The following SIN3A variants were observed in gnomAD, a reference collection of about 807,000 sequenced individuals.
SIN3A encodes SIN3 transcription regulator family member A.
A neutral mutation model predicts 146.1 loss-of-function variants in SIN3A; 14 were observed. The ratio of observed to expected loss-of-function variants is 0.10; its 90% confidence interval spans 0.06 to 0.15. The LOEUF (loss-of-function observed/expected upper bound fraction) is 0.15. Among genes scored for constraint, SIN3A ranks in the 10% least tolerant of loss-of-function variants. The probability of loss-of-function intolerance (pLI) is 1.00; values close to 1 mark genes in which losing one functional copy is unlikely to be tolerated. For synonymous variants in SIN3A, 572 were observed against 572.0 expected (o/e 1.00, Z 0.00); for missense variants, 1,028 against 1,576.0 (o/e 0.65, Z 5.89).
chr15:75,414,752 G>A (rs2073702752), intron 3 of SIN3A, among the ~76,000 whole-genome samples: 1 of 152,188 alleles, frequency 6.6e-6, no homozygotes, highest in African/African-American at 2.4e-5. Context: ...GAGATGACAT[G>A]GGAAGGACAC....
rs1406153249 is a variant in SIN3A, at chr15:75,384,402, C to G, written c.3057G>C (p.Gln1019His). 6.2e-7 allele frequency: 1 copy of G among 1,613,694 alleles called. No homozygotes were observed. Among genetic ancestry groups the G allele is most frequent in the Non-Finnish European group, 8.5e-7 (1 of 1,179,754 alleles). Residue 1019 changes from glutamine to histidine, a missense_variant, in exon 17 of 21, where the codon CAG becomes CAC. By Grantham distance (24) the Gln-to-His change is conservative (BLOSUM62 0). Around this residue, in one of 9 missense-constraint regions of SIN3A, gnomAD observed 488 missense variants for 690.2 expected, o/e 0.71. Transcript: ENST00000394947. Reference sequence around the variant, plus strand: ...TTTCTGCCAGGTAAAGGTCAGTCACCTGCACACAGATCTCATCACTCACGA... The same window carrying G: ...TTTCTGCCAGGTAAAGGTCAGTCACGTGCACACAGATCTCATCACTCACGA... Reference protein sequence around the residue: ...QHIVSDEICVQVTDLYLAENN... With the variant: ...QHIVSDEICVHVTDLYLAENN...
chr15:75,448,527 ATC>A (rs1052944577), intron 1 of SIN3A, among the ~76,000 whole-genome samples: 4 of 152,018 alleles, frequency 2.6e-5, no homozygotes, highest in Admixed American at 2.0e-4. Context: ...CTAACACAGT[ATC>A]TGTGACACAG....
At chr15:75,439,685 G>A (rs751565021) in intron 1 of SIN3A, among the ~76,000 whole-genome samples, 6 of 151,898 alleles carry the variant, frequency 4.0e-5, no homozygotes, top group South Asian at 4.2e-4. Flanking sequence ...CCTTTAACCC[G>A]CATTATACCA....
intron 2 of SIN3A, 135 bp downstream of exon 2, chr15:75,430,052 C>T: frequency 1.5e-6 from 1 of 678,686 alleles, no homozygotes. Flanking sequence ...GGTGAGTACA[C>T]AGTTATTTTT....
rs767369178 is a variant in SIN3A at position 75,371,930 on chromosome 15, A to C, written c.*49T>G. 2 of 1,504,320 alleles carry C rather than the reference A, an allele frequency of 1.3e-6. No homozygotes were observed. Among genetic ancestry groups the C allele is most frequent in the Admixed American group, 1.7e-5 (1 of 59,400 alleles). 93.2% of individuals were successfully genotyped at this position (1,504,320 alleles called of 1,614,324 possible). A position where few individuals can be genotyped will look rare whatever the true frequency, so the allele number is the denominator to read the frequency against. On this transcript the variant is annotated 3_prime_UTR_variant, in exon 21 of 21. Transcript: ENST00000394947. ...CTTCAGTGTGTGAGTGCATAGGCCC[A>C]CACACACATCCCCACACACACCCCA...
chr15:75,409,643 C>T (rs1252015837), intron 8 of SIN3A, among the ~76,000 whole-genome samples, 193 bp downstream of exon 8: 1 of 151,838 alleles, frequency 6.6e-6, no homozygotes, highest in East Asian at 1.9e-4. Flanking sequence ...AGGAGAATCG[C>T]TTGAACCCGG....
At chr15:75,393,056 C>A (rs536458875) in intron 14 of SIN3A, among the ~76,000 whole-genome samples, 21 of 152,238 alleles carry the variant, frequency 1.4e-4, no homozygotes, top group African/African-American at 5.1e-4. Context: ...ATGGTGAAAC[C>A]CCGCCTCTAC....
intron 19 of SIN3A, among the ~76,000 whole-genome samples, chr15:75,379,547 C>A (rs1415121952): frequency 6.6e-6 from 1 of 152,154 alleles, no homozygotes; most frequent in Admixed American, 6.5e-5. Flanking sequence ...TAGCATGGAG[C>A]CTGTTTTGTT....
intron 17 of SIN3A, among the ~76,000 whole-genome samples, chr15:75,382,137 GA>G (rs1367978578): frequency 2.0e-5 from 3 of 152,178 alleles, no homozygotes; most frequent in Non-Finnish European, 1.5e-5. Context: ...GGAAACCTGA[GA>G]ATTTTTTATT....
chr15:75,429,538 T>C (rs1307903751), intron 2 of SIN3A, among the ~76,000 whole-genome samples: 4 of 152,354 alleles, frequency 2.6e-5, no homozygotes, highest in Non-Finnish European at 5.9e-5. Flanking sequence ...CAATGATGTT[T>C]AATTCAGCTG....
intron 1 of SIN3A, among the ~76,000 whole-genome samples, chr15:75,435,616 C>A (rs550917212): frequency 1.3e-5 from 2 of 150,518 alleles, no homozygotes; most frequent in South Asian, 4.2e-4. Context: ...GAGAATCACT[C>A]GAACCCAGGA....
chr15:75,427,035 G>A (rs961780507), intron 2 of SIN3A, among the ~76,000 whole-genome samples: 2 of 152,014 alleles, frequency 1.3e-5, no homozygotes, highest in African/African-American at 4.8e-5. Context: ...GAAAATCTGA[G>A]GTGTGACAGA....
intron 9 of SIN3A, among the ~76,000 whole-genome samples, chr15:75,406,472 G>A (rs1325830558): frequency 1.5e-4 from 23 of 152,284 alleles, no homozygotes; most frequent in Non-Finnish European, 1.2e-4. Context: ...CGGATCACGA[G>A]GTCAGGAGAT....
intron 3 of SIN3A, chr15:75,420,537 G>C (rs551603046): frequency 6.6e-6 from 1 of 151,990 alleles, no homozygotes. Context: ...ACAGGCATGC[G>C]CCACCATGCC....
At chr15:75,423,133 C>T (rs973684775) in intron 2 of SIN3A, among the ~76,000 whole-genome samples, 2 of 151,824 alleles carry the variant, frequency 1.3e-5, no homozygotes, top group African/African-American at 4.8e-5. Flanking sequence ...AAAAACTTGG[C>T]CAGGCATGGC....
chr15:75,380,819 C>A, intron 18 of SIN3A, 96 bp from the exon 19 acceptor site: 2 of 802,914 alleles, frequency 2.5e-6, no homozygotes, highest in Non-Finnish European at 4.3e-6. Context: ...TACAATGCCC[C>A]GAATTCATAA....
At chr15:75,437,605 C>T (rs1351170039) in intron 1 of SIN3A, among the ~76,000 whole-genome samples, 1 of 152,134 alleles carries the variant, frequency 6.6e-6, no homozygotes, top group African/African-American at 2.4e-5. Flanking sequence ...TTGGACAAGA[C>T]TGTAAAACCA....
intron 9 of SIN3A, 90 bp from the exon 10 acceptor site, chr15:75,402,060 G>A (rs2073421932): frequency 7.5e-6 from 6 of 795,324 alleles, no homozygotes; most frequent in South Asian, 4.7e-5. Context: ...AGGAGGAGGC[G>A]CAGTTGTGTA....
chr15:75,453,053 G>A (rs2074434296), upstream of SIN3A: 1 of 152,270 alleles, frequency 6.6e-6, no homozygotes. Context: ...CTCAGCGCCA[G>A]GAGAGGTGAC....
Sources: gnomAD v4.1 joint callset for allele counts (sites outside exome capture counted in the v4.1 genomes callset) on GRCh38, gnomAD v4.1.1 for gene constraint, gnomAD v4.1.1 regional missense constraint, MANE v1.5 for transcripts, NCBI Gene and HGNC (gene_info 2026-07-23, HGNC 2026-07-21) for gene names.